NUBPL: variants seen among roughly 807,000 people sequenced by gnomAD.
NUBPL encodes the protein iron-sulfur cluster transfer protein NUBPL.
A neutral mutation model predicts 45.7 loss-of-function variants in NUBPL; 31 were observed. The observed-to-expected ratio is 0.68, with a 90% confidence interval of 0.51 to 0.92. NUBPL has a LOEUF of 0.92. Ranked by LOEUF, NUBPL falls within the 40% of genes least tolerant of loss-of-function variation. The pLI is 0.00. For missense variants in NUBPL, 401 were observed against 398.7 expected, an observed-to-expected ratio of 1.01 and a Z score of -0.05; for synonymous variants, 144 against 140.9, an observed-to-expected ratio of 1.02 and a Z score of -0.15.
Position 31,846,579 on chromosome 14 carries a change from C to A in NUBPL, c.802C>A (p.Leu268Ile). ...GARKLAQTLG[L>I]EVLGDIPLHL... is the part of the protein sequence containing the mutation. Reference sequence around the variant, plus strand: ...AAGGAAACTAGCACAGACCCTTGGTCTTGAAGTTCTAGGTAAGACTGTGGG... The same window carrying A: ...AAGGAAACTAGCACAGACCCTTGGTATTGAAGTTCTAGGTAAGACTGTGGG... Residue 268 changes from leucine to isoleucine, a missense_variant, in exon 9 of 11, where the codon CTT (leucine) becomes ATT (isoleucine). By Grantham distance (5) the Leu-to-Ile change is conservative (BLOSUM62 2). Transcript: ENST00000281081. 1.2e-6 allele frequency: 2 copies of A among 1,613,600 alleles called. No individual in the cohort carries two copies. The highest frequency in any genetic ancestry group is 2.2e-5 in the East Asian group (1 of 44,822).
At chr14:31,817,518 A>G (rs2039941944) in intron 7 of NUBPL, among the ~76,000 whole-genome samples, 2 of 152,234 alleles carry the variant, frequency 1.3e-5, no homozygotes, top group African/African-American at 4.8e-5. Context: ...AGTAGTAGCC[A>G]ATACTCAACA....
chr14:31,799,684 T>C (rs920436806), intron 7 of NUBPL, among the ~76,000 whole-genome samples: 1 of 152,242 alleles, frequency 6.6e-6, no homozygotes, highest in Non-Finnish European at 1.5e-5. Flanking sequence ...ATTTTATTGC[T>C]AAAAATGCTA....
At position 31,583,083 on chromosome 14, in the gene NUBPL, G is replaced by C. The variant is rs558039888; in HGVS notation, c.292-16206G>C. Among the ~76,000 whole-genome samples, 4 of 152,286 alleles carry C rather than the reference G, an allele frequency of 2.6e-5. No homozygotes were observed. The South Asian group carries it at 6.2e-4, about 24-fold the overall frequency. ...TCATATTTGCCGTGGAAATGATTGTGATAATATAAATGATGTTTTATTTTT... is the reference window on the plus strand; with the variant it reads ...TCATATTTGCCGTGGAAATGATTGTCATAATATAAATGATGTTTTATTTTT... On this transcript the variant is annotated intron_variant, in intron 3 of 10. Transcript: ENST00000281081.
intron 6 of NUBPL, among the ~76,000 whole-genome samples, chr14:31,707,093 A>AGT (rs2037469593): frequency 5.3e-5 from 8 of 152,202 alleles, no homozygotes; most frequent in Admixed American, 5.2e-4. Flanking sequence ...GCCTGGGAGG[A>AGT]ACCATCTATC....
At chr14:31,765,655 A>G (rs184221244) in intron 6 of NUBPL, among the ~76,000 whole-genome samples, 80 of 152,258 alleles carry the variant, frequency 5.3e-4, no homozygotes, top group African/African-American at 1.9e-3. Flanking sequence ...TTTGCCTTAA[A>G]ACATCTAGCA....
At chr14:31,679,381 G>GCT (rs1412561983) in intron 6 of NUBPL, among the ~76,000 whole-genome samples, 1 of 151,866 alleles carries the variant, frequency 6.6e-6, no homozygotes, top group Non-Finnish European at 1.5e-5. Flanking sequence ...ATCTTGCTTT[G>GCT]CTGTCTCTCT....
At chr14:31,715,337 C>T (rs1413364438) in intron 6 of NUBPL, among the ~76,000 whole-genome samples, 1 of 152,104 alleles carries the variant, frequency 6.6e-6, no homozygotes, top group East Asian at 1.9e-4. Context: ...ACTAAATAAG[C>T]TAAGGTCATG....
At chr14:31,586,591 G>T (rs781127765) in intron 3 of NUBPL, among the ~76,000 whole-genome samples, 2 of 152,122 alleles carry the variant, frequency 1.3e-5, no homozygotes, top group Non-Finnish European at 2.9e-5. Context: ...TAAAGAGGAA[G>T]AAAAAGAATG....
At chr14:31,600,495 G>T (rs1364480360) in intron 4 of NUBPL, among the ~76,000 whole-genome samples, 1 of 152,168 alleles carries the variant, frequency 6.6e-6, no homozygotes, top group African/African-American at 2.4e-5. Context: ...CAGACCTGGG[G>T]AGAACATGCA....
chr14:31,584,099 A>G (rs1004797280), intron 3 of NUBPL, among the ~76,000 whole-genome samples: 1 of 151,834 alleles, frequency 6.6e-6, no homozygotes, highest in Non-Finnish European at 1.5e-5. Context: ...TAACCTATGT[A>G]TTTGATTAAG....
chr14:31,652,830 G>A (rs1396599326), intron 4 of NUBPL, among the ~76,000 whole-genome samples: 3 of 152,144 alleles, frequency 2.0e-5, no homozygotes, highest in Non-Finnish European at 2.9e-5. Context: ...TAGTGATTGT[G>A]TATCGGGGGA....
chr14:31,836,515 G>T (rs116633347), intron 8 of NUBPL, among the ~76,000 whole-genome samples: 1 of 152,088 alleles, frequency 6.6e-6, no homozygotes, highest in Admixed American at 6.5e-5. Flanking sequence ...TATTTGGCGG[G>T]GAAGACATCA....
chr14:31,677,152 C>G (rs1334666967), intron 6 of NUBPL, among the ~76,000 whole-genome samples: 2 of 151,986 alleles, frequency 1.3e-5, no homozygotes, highest in African/African-American at 2.4e-5. Flanking sequence ...GGGTGTTCAT[C>G]CCCTCAAGCA....
At chr14:31,616,643 G>T (rs1269260619) in intron 4 of NUBPL, among the ~76,000 whole-genome samples, 1 of 152,098 alleles carries the variant, frequency 6.6e-6, no homozygotes, top group African/African-American at 2.4e-5. Flanking sequence ...ATCTGTTTTG[G>T]TAGCAGTACC....
intron 4 of NUBPL, among the ~76,000 whole-genome samples, chr14:31,653,289 G>A (rs191474937): frequency 1.1e-4 from 16 of 152,282 alleles, no homozygotes; most frequent in African/African-American, 3.4e-4. Context: ...CCAGGGTGGG[G>A]TTTTTCCCCA....
intron 3 of NUBPL, among the ~76,000 whole-genome samples, chr14:31,590,868 C>CTTTTA (rs1040351976): frequency 6.6e-6 from 1 of 152,022 alleles, no homozygotes; most frequent in Non-Finnish European, 1.5e-5. Context: ...GCATTAAAAT[C>CTTTTA]TTTTATTTTA....
intron 6 of NUBPL, among the ~76,000 whole-genome samples, chr14:31,699,308 A>G (rs1000064428): frequency 1.3e-5 from 2 of 152,372 alleles, no homozygotes; most frequent in East Asian, 3.9e-4. Flanking sequence ...CATCAAATTA[A>G]ATAGGTTGAA....
At chr14:31,832,903 G>A (rs1369081073) in intron 8 of NUBPL, among the ~76,000 whole-genome samples, 1 of 152,114 alleles carries the variant, frequency 6.6e-6, no homozygotes, top group East Asian at 1.9e-4. Context: ...ATAAGATAAT[G>A]CATATAAATG....
intron 6 of NUBPL, among the ~76,000 whole-genome samples, chr14:31,710,507 G>A (rs745374555): frequency 2.0e-5 from 3 of 152,110 alleles, no homozygotes; most frequent in Non-Finnish European, 2.9e-5. Context: ...ACGCATTCTC[G>A]AAAACCTGCA....
Sources: allele counts gnomAD v4.1 joint callset (sites outside exome capture counted in the v4.1 genomes callset), GRCh38; gene constraint gnomAD v4.1.1; transcripts MANE v1.5; gene names NCBI Gene and HGNC (gene_info 2026-07-23, HGNC 2026-07-21).